The following CIMIP5 variants were observed in gnomAD, a reference collection of about 807,000 sequenced individuals.
CIMIP5 encodes ciliary microtubule inner protein 5.
the CIMIP5 span, chr2:11,133,465 G>A: frequency 6.2e-7 from 1 of 1,609,356 alleles, no homozygotes; most frequent in Non-Finnish European, 8.5e-7. Flanking sequence ...GGTCTTGCTG[G>A]TGGCTGCCAG....
At chr2:11,140,586 A>G in the CIMIP5 span, 25 of 1,464,646 alleles carry the variant, frequency 1.7e-5, no homozygotes, top group Middle Eastern at 8.9e-4. Flanking sequence ...CATACTTGCA[A>G]TTGAATATTA....
At chr2:11,150,839 A>T in the CIMIP5 span, among the ~76,000 whole-genome samples, 2 of 151,888 alleles carry the variant, frequency 1.3e-5, no homozygotes, top group East Asian at 3.9e-4. Flanking sequence ...GTGGGCCTCA[A>T]GATCTTTACC....
At chr2:11,138,208 G>C in the CIMIP5 span, among the ~76,000 whole-genome samples, 1 of 152,092 alleles carries the variant, frequency 6.6e-6, no homozygotes, top group Admixed American at 6.5e-5. Context: ...ATATTGAGAG[G>C]GACTTTTCAG....
At chr2:11,133,310 GCACA>G in the CIMIP5 span, 1,055 of 1,354,582 alleles carry the variant, frequency 7.8e-4, no homozygotes, top group Non-Finnish European at 9.5e-4. Context: ...TGACACAAGC[GCACA>G]CACACACACA....
chr2:11,138,004 C>T, the CIMIP5 span, among the ~76,000 whole-genome samples: 1 of 152,148 alleles, frequency 6.6e-6, no homozygotes, highest in Non-Finnish European at 1.5e-5. Flanking sequence ...CGCTACCACG[C>T]CCGGCTAATT....
At chr2:11,143,092 C>T in the CIMIP5 span, among the ~76,000 whole-genome samples, 1 of 152,142 alleles carries the variant, frequency 6.6e-6, no homozygotes, top group East Asian at 1.9e-4. Context: ...AACAGCACTA[C>T]TCATAAAAGC....
chr2:11,145,011 T>C, the CIMIP5 span: 4 of 151,530 alleles, frequency 2.6e-5, no homozygotes, highest in Non-Finnish European at 5.9e-5. Context: ...CCAGACAGAG[T>C]CTCGCACTGT....
the CIMIP5 span, among the ~76,000 whole-genome samples, chr2:11,136,915 A>G: frequency 6.6e-6 from 1 of 152,172 alleles, no homozygotes; most frequent in Non-Finnish European, 1.5e-5. Flanking sequence ...GCCAGGAAAC[A>G]CCAGAGAAGA....
the CIMIP5 span, chr2:11,133,561 T>C: frequency 6.2e-7 from 1 of 1,605,020 alleles, no homozygotes; most frequent in Non-Finnish European, 8.5e-7. Flanking sequence ...CGGGAGCTCC[T>C]GGAGGCCGAG....
At chr2:11,133,180 C>T in the CIMIP5 span, 3 of 880,678 alleles carry the variant, frequency 3.4e-6, no homozygotes, top group Admixed American at 7.8e-5. Flanking sequence ...ACTCTGAGCT[C>T]GAGGCCTAAA....
the CIMIP5 span, among the ~76,000 whole-genome samples, chr2:11,139,596 A>T: frequency 6.6e-6 from 1 of 152,190 alleles, no homozygotes; most frequent in Non-Finnish European, 1.5e-5. Context: ...TCTTCAGAGA[A>T]TGCTTGCCTA....
At chr2:11,133,358 G>A in the CIMIP5 span, 7 of 1,605,144 alleles carry the variant, frequency 4.4e-6, no homozygotes, top group South Asian at 1.1e-5. Flanking sequence ...CCACCCCTGG[G>A]CTCCAGAGAA....
chr2:11,147,109 T>G, the CIMIP5 span, among the ~76,000 whole-genome samples: 1 of 152,198 alleles, frequency 6.6e-6, no homozygotes, highest in Non-Finnish European at 1.5e-5. Flanking sequence ...TTACAGACAA[T>G]GCAACCTATA....
the CIMIP5 span, among the ~76,000 whole-genome samples, chr2:11,143,411 CAG>C: frequency 0.015 from 2,304 of 151,920 alleles, 51 homozygotes; most frequent in African/African-American, 0.053. Flanking sequence ...GGAGCAGAGA[CAG>C]GGGCTGAGGG....
chr2:11,152,863 G>T, the CIMIP5 span, among the ~76,000 whole-genome samples: 2 of 152,080 alleles, frequency 1.3e-5, no homozygotes, highest in African/African-American at 4.8e-5. Context: ...CCCAAACCTG[G>T]CTCCAACCTA....
chr2:11,140,305 G>A, the CIMIP5 span, among the ~76,000 whole-genome samples: 1 of 151,176 alleles, frequency 6.6e-6, no homozygotes, highest in Non-Finnish European at 1.5e-5. Context: ...AACCCGGGAG[G>A]CGGAGCTTGC....
At chr2:11,151,480 C>T in the CIMIP5 span, among the ~76,000 whole-genome samples, 1 of 152,240 alleles carries the variant, frequency 6.6e-6, no homozygotes, top group East Asian at 1.9e-4. Flanking sequence ...AAAGGGCTCA[C>T]CTTGCCCGCT....
chr2:11,138,007 G>A, the CIMIP5 span, among the ~76,000 whole-genome samples: 3 of 152,124 alleles, frequency 2.0e-5, no homozygotes, highest in Admixed American at 6.6e-5. Context: ...TACCACGCCC[G>A]GCTAATTTTT....
At chr2:11,136,524 AGTT>A in the CIMIP5 span, among the ~76,000 whole-genome samples, 3 of 152,120 alleles carry the variant, frequency 2.0e-5, no homozygotes, top group African/African-American at 4.8e-5. Context: ...CCCAGGAGGT[AGTT>A]GAGTGTGAGA....
Sources: allele counts gnomAD v4.1 joint callset (sites outside exome capture counted in the v4.1 genomes callset), GRCh38; gene constraint gnomAD v4.1.1; transcripts MANE v1.5; gene names NCBI Gene and HGNC (gene_info 2026-07-23, HGNC 2026-07-21).